SMIM27: variants seen among roughly 807,000 people sequenced by gnomAD.
SMIM27 encodes TOPORS antisense RNA 1 (non-protein coding).
A neutral mutation model predicts 1.8 loss-of-function variants in SMIM27; 3 were observed. The ratio of observed to expected loss-of-function variants is 1.65; its 90% CI spans 0.75 to 4.28. SMIM27 has a LOEUF of 4.28. Among genes scored for constraint, SMIM27 ranks in the 30% most tolerant of loss-of-function variants. The pLI is 0.02. For synonymous variants in SMIM27, 19 were observed against 13.9 expected (o/e 1.37, Z -0.82); for missense variants, 63 against 37.0 (o/e 1.70, Z -1.83).
At chr9:32,562,837 T>G (rs886871386) in intron 1 of SMIM27, among the ~76,000 whole-genome samples, 1 of 152,206 alleles carries the variant, frequency 6.6e-6, no homozygotes, top group African/African-American at 2.4e-5. Context: ...TGTTCTCCAT[T>G]GACTGTGCAG....
intron 1 of SMIM27, among the ~76,000 whole-genome samples, chr9:32,562,996 T>C (rs1010392645): frequency 6.6e-6 from 1 of 152,236 alleles, no homozygotes; most frequent in Admixed American, 6.5e-5. Context: ...ACATTCATGA[T>C]CTTGACATTT....
In SMIM27 at chr9:32,552,410, C is replaced by T. The variant is rs1011917534; in HGVS notation, c.-25C>T. 8 of 1,608,804 alleles carry T rather than the reference C, an allele frequency of 5.0e-6. No homozygotes were observed. The highest frequency in any genetic ancestry group is 2.7e-5 in the African/African-American group (2 of 75,016). ...AAGGCCCGCAGCTCCCGCCAGCTCCCGCGGACTGCTGCCGCCTCCTTACCA... is the reference window on the plus strand; with the variant it reads ...AAGGCCCGCAGCTCCCGCCAGCTCCTGCGGACTGCTGCCGCCTCCTTACCA... On this transcript the variant is annotated 5_prime_UTR_variant, in exon 1 of 2. Coordinates refer to ENST00000692500, the MANE Select transcript of SMIM27 (RefSeq NM_001387564.1).
At chr9:32,558,948 G>T in intron 1 of SMIM27, 1 of 1,580,270 alleles carries the variant, frequency 6.3e-7, no homozygotes, top group Non-Finnish European at 8.7e-7. Flanking sequence ...ATGCCATATG[G>T]TTTTTCCTGT....
chr9:32,554,440 G>T (rs769791879), downstream of SMIM27, among the ~76,000 whole-genome samples: 1 of 152,324 alleles, frequency 6.6e-6, no homozygotes, highest in East Asian at 1.9e-4. Context: ...GGGCAAAAAG[G>T]CATGGGCATT....
upstream of SMIM27, chr9:32,552,100 C>T (rs1821284067): frequency 1.9e-6 from 1 of 534,142 alleles, no homozygotes. Context: ...GACACGACAG[C>T]ACCTTATCCT....
At chr9:32,566,635 AG>A in exon 2 of SMIM27, 1 of 792,538 alleles carries the variant, frequency 1.3e-6, no homozygotes, top group Non-Finnish European at 2.3e-6. Flanking sequence ...CCCACCATGG[AG>A]GAGCAGGAGC....
downstream of SMIM27, chr9:32,553,960 TAC>T (rs771510637): frequency 2.0e-6 from 3 of 1,505,490 alleles, no homozygotes; most frequent in Admixed American, 3.6e-5. Flanking sequence ...AAAACAAAGA[TAC>T]AGTTAGTACA....
At chr9:32,560,762 A>G (rs1026500892) in intron 1 of SMIM27, among the ~76,000 whole-genome samples, 2 of 152,254 alleles carry the variant, frequency 1.3e-5, no homozygotes, top group Non-Finnish European at 2.9e-5. Flanking sequence ...AGAAGAGTTC[A>G]ACTTCAATTA....
At chr9:32,563,491 C>CTTTTTTTTTTTTTTTATTTTTT (rs111646430) in intron 1 of SMIM27, among the ~76,000 whole-genome samples, 1 of 92,004 alleles carries the variant, frequency 1.1e-5, no homozygotes, top group African/African-American at 4.4e-5. Context: ...GACTATTGGG[C>CTTTTTTTTTTTTTTTATTTTTT]TTTTTTTTTT....
At chr9:32,564,195 A>G (rs1352324442) in intron 1 of SMIM27, among the ~76,000 whole-genome samples, 1 of 152,214 alleles carries the variant, frequency 6.6e-6, no homozygotes, top group Non-Finnish European at 1.5e-5. Context: ...AATACATTTT[A>G]AAAACCATGA....
chr9:32,551,177 G>C (rs1821247505), upstream of SMIM27: 3 of 639,128 alleles, frequency 4.7e-6, no homozygotes, highest in Non-Finnish European at 5.6e-6. Flanking sequence ...AGGGCAGCGC[G>C]ACCCTCCCCA....
upstream of SMIM27, chr9:32,551,269 G>A (rs554802771): frequency 2.1e-4 from 114 of 552,710 alleles, no homozygotes; most frequent in African/African-American, 2.1e-3. Flanking sequence ...GAACTAGTTC[G>A]ATGTCGTTTC....
At chr9:32,551,181 C>G (rs777474050), upstream of SMIM27, 6 of 631,320 alleles carry the variant, frequency 9.5e-6, no homozygotes, top group Non-Finnish European at 1.7e-5. Context: ...CAGCGCGACC[C>G]TCCCCATCTT....
chr9:32,552,393 C>A lies in SMIM27; in HGVS notation c.-42C>A. On this transcript the variant is annotated 5_prime_UTR_variant, in exon 1 of 2. Coordinates refer to ENST00000692500, the MANE Select transcript of SMIM27 (RefSeq NM_001387564.1). ...GCCTGGGAGGTTACTGTAAGGCCCG[C>A]AGCTCCCGCCAGCTCCCGCGGACTG... The A allele has an allele frequency of 1.2e-6, 2 of 1,604,468 alleles. No individual in the cohort carries two copies. Among genetic ancestry groups the A allele is most frequent in the Non-Finnish European group, 1.7e-6 (2 of 1,175,152 alleles).
downstream of SMIM27, chr9:32,554,045 T>C (rs899164057): frequency 1.4e-6 from 1 of 703,030 alleles, no homozygotes; most frequent in Admixed American, 2.8e-5. Flanking sequence ...GAAAATGTAC[T>C]TGAGTTCTGG....
chr9:32,552,899 CT>C lies in SMIM27; in HGVS notation c.147del (p.Phe49LeufsTer?). ...TAAGGAAGAAATACCCAGACAAAAT[CT>C]TTGGGACGAATGAAAATTTGTAACT... ...QLRKKYPDKI[F>X]GTNENL On this transcript the variant is annotated frameshift_variant, in exon 2 of 2. Transcript: ENST00000692500. LOFTEE classifies it high-confidence loss of function. 1.4e-6 allele frequency: 1 copy of C among 702,172 alleles called. No homozygotes were observed. Among genetic ancestry groups the C allele is most frequent in the Non-Finnish European group, 2.6e-6 (1 of 384,694 alleles). The allele number at this position is 702,172 out of a possible 1,614,324, so 43.5% of individuals were successfully genotyped here.
exon 2 of SMIM27, chr9:32,566,859 C>T (rs1821808408): frequency 1.4e-6 from 1 of 724,046 alleles, no homozygotes; most frequent in East Asian, 3.1e-5. Flanking sequence ...GCCGGGCGGC[C>T]TGGATGAGCC....
chr9:32,552,274 C>CCGGGCGGAAGAGG (rs1267832113), upstream of SMIM27: 1 of 1,016,568 alleles, frequency 9.8e-7, no homozygotes, highest in Non-Finnish European at 1.5e-6. Context: ...CCCCCCAACT[C>CCGGGCGGAAGAGG]CGGGCGGAAG....
downstream of SMIM27, among the ~76,000 whole-genome samples, chr9:32,554,105 A>G (rs1027792429): frequency 6.6e-6 from 1 of 152,230 alleles, no homozygotes; most frequent in Non-Finnish European, 1.5e-5. Context: ...CTAAATCTGA[A>G]CAATCAGTAT....
Sources: gnomAD v4.1 joint callset for allele counts (sites outside exome capture counted in the v4.1 genomes callset) on GRCh38, gnomAD v4.1.1 for gene constraint, MANE v1.5 for transcripts, NCBI Gene and HGNC (gene_info 2026-07-23, HGNC 2026-07-21) for gene names.